The following TSHZ2 variants were observed in gnomAD, a reference collection of about 807,000 sequenced individuals.
The protein encoded by TSHZ2 is teashirt homolog 2.
A neutral mutation model predicts 74.4 loss-of-function variants in TSHZ2; 21 were observed. That is an observed-to-expected ratio of 0.28 (90% CI 0.20 to 0.41). The LOEUF is 0.41. Ranked by LOEUF, TSHZ2 falls within the 10% of genes least tolerant of loss-of-function variation. TSHZ2 has a pLI of 1.00. For synonymous variants in TSHZ2, 540 were observed against 515.3 expected, an observed-to-expected ratio of 1.05 and a Z score of -0.65; for missense variants, 1,244 against 1,293.5, an observed-to-expected ratio of 0.96 and a Z score of 0.59.
At chr20:53,291,402 G>A (rs182116533) in intron 2 of TSHZ2, among the ~76,000 whole-genome samples, 1 of 151,578 alleles carries the variant, frequency 6.6e-6, no homozygotes, top group African/African-American at 2.4e-5. Context: ...GAACCTGGGC[G>A]GTGGAGGCTG....
intron 2 of TSHZ2, among the ~76,000 whole-genome samples, chr20:53,478,365 A>G (rs1986044034): frequency 6.6e-6 from 1 of 151,970 alleles, no homozygotes; most frequent in Non-Finnish European, 1.5e-5. Flanking sequence ...CTTTGTAGGG[A>G]CATGGATGAA....
At chr20:53,418,103 G>A (rs375634430) in intron 2 of TSHZ2, among the ~76,000 whole-genome samples, 6 of 152,326 alleles carry the variant, frequency 3.9e-5, no homozygotes, top group Admixed American at 6.5e-5. Flanking sequence ...GTAAGGAAAG[G>A]TCTTGCTATG....
At chr20:53,230,766 C>T (rs950154536) in intron 1 of TSHZ2, among the ~76,000 whole-genome samples, 3 of 151,924 alleles carry the variant, frequency 2.0e-5, no homozygotes, top group Admixed American at 6.6e-5. Context: ...GTGGTGGCCA[C>T]TTGTAATCCC....
chr20:53,430,735 GATTTA>G (rs1983814707), intron 2 of TSHZ2, among the ~76,000 whole-genome samples: 1 of 152,022 alleles, frequency 6.6e-6, no homozygotes, highest in African/African-American at 2.4e-5. Context: ...ACACTGATTT[GATTTA>G]GTTTAGTTTA....
At chr20:53,484,378 C>G (rs1005447890) in intron 2 of TSHZ2, among the ~76,000 whole-genome samples, 1 of 125,996 alleles carries the variant, frequency 7.9e-6, no homozygotes, top group African/African-American at 3.3e-5. Context: ...ACTTTTATCT[C>G]TCTCTTTTTT....
chr20:53,313,612 C>T (rs546495048), intron 2 of TSHZ2, among the ~76,000 whole-genome samples: 1 of 152,180 alleles, frequency 6.6e-6, no homozygotes, highest in Non-Finnish European at 1.5e-5. Flanking sequence ...AAATTTGTCT[C>T]GTCTATGGAA....
At chr20:53,455,943 C>T (rs1190493080) in intron 2 of TSHZ2, among the ~76,000 whole-genome samples, 3 of 151,536 alleles carry the variant, frequency 2.0e-5, no homozygotes, top group Admixed American at 2.0e-4. Flanking sequence ...GCCACATTTT[C>T]TTAATCCAGT....
At chr20:53,133,889 T>G (rs1418888644) in intron 1 of TSHZ2, among the ~76,000 whole-genome samples, 1 of 151,372 alleles carries the variant, frequency 6.6e-6, no homozygotes, top group Non-Finnish European at 1.5e-5. Flanking sequence ...ACAAGTAGAT[T>G]GGAACAATCT....
chr20:53,480,632 G>GA (rs1274533870), intron 2 of TSHZ2, among the ~76,000 whole-genome samples: 1 of 151,808 alleles, frequency 6.6e-6, no homozygotes, highest in Non-Finnish European at 1.5e-5. Flanking sequence ...CACCTTGTGT[G>GA]AAACTGTCTC....
chr20:53,210,614 G>A (rs1444326502), intron 1 of TSHZ2, among the ~76,000 whole-genome samples: 1 of 151,798 alleles, frequency 6.6e-6, no homozygotes, highest in Non-Finnish European at 1.5e-5. Context: ...GGGGTTTGGG[G>A]TTTATACGAC....
At chr20:53,144,892 C>T (rs1456625953) in intron 1 of TSHZ2, among the ~76,000 whole-genome samples, 7 of 151,546 alleles carry the variant, frequency 4.6e-5, no homozygotes, top group African/African-American at 1.7e-4. Flanking sequence ...TATATGTAGC[C>T]TAAGTATTTT....
At chr20:53,044,705 C>CTTTA (rs1448520440) in intron 1 of TSHZ2, among the ~76,000 whole-genome samples, 1 of 151,986 alleles carries the variant, frequency 6.6e-6, no homozygotes, top group Non-Finnish European at 1.5e-5. Context: ...TTTTGGGGTG[C>CTTTA]TTTCTTTCTT....
At chr20:53,383,468 T>C (rs896448398) in intron 2 of TSHZ2, among the ~76,000 whole-genome samples, 1 of 151,914 alleles carries the variant, frequency 6.6e-6, no homozygotes, top group African/African-American at 2.4e-5. Context: ...ACTATTTAAT[T>C]GTTATTAAGG....
intron 2 of TSHZ2, among the ~76,000 whole-genome samples, chr20:53,407,670 C>T (rs1197100881): frequency 1.3e-5 from 2 of 152,212 alleles, no homozygotes; most frequent in Non-Finnish European, 2.9e-5. Flanking sequence ...CATCTATGGA[C>T]TTTGGTTTAA....
chr20:53,466,142 G>A (rs1223786159), intron 2 of TSHZ2, among the ~76,000 whole-genome samples: 2 of 152,034 alleles, frequency 1.3e-5, no homozygotes, highest in African/African-American at 4.8e-5. Context: ...AGCCACTTGG[G>A]TGGCTGAGGC....
intron 2 of TSHZ2, among the ~76,000 whole-genome samples, chr20:53,367,494 G>T (rs1186422918): frequency 6.6e-6 from 1 of 152,146 alleles, no homozygotes; most frequent in African/African-American, 2.4e-5. Flanking sequence ...TACTGATCCT[G>T]TGCATTTACT....
In TSHZ2 at chr20:53,043,782, TAAA is replaced by T. The variant is rs368963876; in HGVS notation, c.40+70458_40+70460del. On this transcript the variant is annotated intron_variant, in intron 1 of 2. Coordinates refer to ENST00000371497, the MANE Select transcript of TSHZ2 (RefSeq NM_173485.6). ...ATAATATAGGTCCCATCTCACAGAT[TAAA>T]AAAAAAAACTGATACCTGGGGAAGC... is the stretch of plus-strand genomic sequence containing the variant. 2.7e-5 allele frequency among the ~76,000 whole-genome samples: 4 copies of T among 147,604 alleles called. No homozygotes were observed. In the East Asian group the frequency reaches 7.8e-4, roughly 29 times the overall value.
At chr20:53,236,166 C>A (rs73620435) in intron 1 of TSHZ2, among the ~76,000 whole-genome samples, 5,611 of 152,228 alleles carry the variant, frequency 0.037, 263 homozygotes, top group African/African-American at 0.1. Context: ...ATTTGACCTG[C>A]CTGTAACTTC....
chr20:53,037,896 G>A (rs954192781), intron 1 of TSHZ2, among the ~76,000 whole-genome samples: 29 of 152,040 alleles, frequency 1.9e-4, no homozygotes, highest in African/African-American at 6.8e-4. Flanking sequence ...TGTGTGCAGA[G>A]CAGGGCGAGT....
Sources: gnomAD v4.1 joint callset for allele counts (sites outside exome capture counted in the v4.1 genomes callset) on GRCh38, gnomAD v4.1.1 for gene constraint, MANE v1.5 for transcripts, NCBI Gene and HGNC (gene_info 2026-07-23, HGNC 2026-07-21) for gene names.